The following MROH9 variants were observed in gnomAD, a reference collection of about 807,000 sequenced individuals.
MROH9 encodes the protein maestro heat like repeat family member 9, also known as maestro heat-like repeat-containing protein family member 9.
Under a neutral mutation model 98.2 loss-of-function variants are expected in MROH9, and 92 were observed. The observed-to-expected ratio is 0.94, with a 90% confidence interval of 0.79 to 1.11. MROH9 has a LOEUF of 1.11. Among genes scored for constraint, MROH9 ranks in the 50% most tolerant of loss-of-function variants. The probability of loss-of-function intolerance (pLI) is 0.00; values close to 1 mark genes in which losing one functional copy is unlikely to be tolerated. For synonymous variants in MROH9, 397 were observed against 368.9 expected, an observed-to-expected ratio of 1.08 and a Z score of -0.87; for missense variants, 1,057 against 1,014.8, an observed-to-expected ratio of 1.04 and a Z score of -0.57.
intron 8 of MROH9, among the ~76,000 whole-genome samples, chr1:170,977,413 C>A (rs749243946): frequency 7.9e-5 from 12 of 152,114 alleles, no homozygotes; most frequent in Non-Finnish European, 1.6e-4. Context: ...TTCTGGATGT[C>A]TTCACAGGAC....
intron 8 of MROH9, among the ~76,000 whole-genome samples, chr1:170,981,062 A>G (rs966196461): frequency 6.6e-6 from 1 of 152,228 alleles, no homozygotes; most frequent in African/African-American, 2.4e-5. Flanking sequence ...TAAAACCACA[A>G]TGAGATAACA....
At chr1:170,973,579 T>A (rs552301515) in intron 8 of MROH9, among the ~76,000 whole-genome samples, 4 of 152,040 alleles carry the variant, frequency 2.6e-5, no homozygotes, top group South Asian at 4.1e-4. Context: ...AAATCCAATT[T>A]AAAAAAAATT....
At chr1:171,052,344 G>T (rs1653695680) in intron 20 of MROH9, among the ~76,000 whole-genome samples, 1 of 152,194 alleles carries the variant, frequency 6.6e-6, no homozygotes, top group Non-Finnish European at 1.5e-5. Context: ...TGGCCCCCCA[G>T]TGGTAGTCAT....
chr1:170,962,466 AT>A (rs1285714729), intron 6 of MROH9, among the ~76,000 whole-genome samples: 1 of 152,088 alleles, frequency 6.6e-6, no homozygotes, highest in Admixed American at 6.6e-5. Flanking sequence ...ACCTCACTTC[AT>A]TTTTTAATGT....
intron 10 of MROH9, among the ~76,000 whole-genome samples, chr1:170,989,421 A>G (rs968793961): frequency 6.6e-6 from 1 of 152,216 alleles, no homozygotes; most frequent in Non-Finnish European, 1.5e-5. Context: ...CCTCCAATAC[A>G]TGGTTCATCC....
At chr1:171,013,906 CACACACACAG>C (rs1226559038) in intron 15 of MROH9, among the ~76,000 whole-genome samples, 12 of 145,510 alleles carry the variant, frequency 8.2e-5, no homozygotes, top group African/African-American at 2.7e-4. Flanking sequence ...CACACACACA[CACACACACAG>C]ACAGACAAAA....
At chr1:171,026,800 A>T (rs1024361768) in intron 20 of MROH9, among the ~76,000 whole-genome samples, 3 of 152,234 alleles carry the variant, frequency 2.0e-5, no homozygotes, top group African/African-American at 7.2e-5. Flanking sequence ...GATGAAAGTT[A>T]TGATAAATAT....
At chr1:170,969,061 C>T (rs1323161090) in intron 7 of MROH9, among the ~76,000 whole-genome samples, 1 of 152,118 alleles carries the variant, frequency 6.6e-6, no homozygotes, top group East Asian at 1.9e-4. Flanking sequence ...CATAGAATTG[C>T]TATTTGACAC....
chr1:170,982,630 C>T (rs1173165895), intron 8 of MROH9, among the ~76,000 whole-genome samples: 2 of 152,194 alleles, frequency 1.3e-5, no homozygotes, highest in African/African-American at 2.4e-5. Flanking sequence ...TGGCTCACAC[C>T]TGTAACCCCA....
intron 10 of MROH9, among the ~76,000 whole-genome samples, chr1:170,988,718 A>G (rs1651241715): frequency 6.6e-6 from 1 of 152,190 alleles, no homozygotes; most frequent in Non-Finnish European, 1.5e-5. Context: ...AAAATCCCCC[A>G]AATTGCATAT....
At chr1:171,014,284 A>G in intron 16 of MROH9, 30 bp downstream of exon 16, 1 of 1,527,278 alleles carries the variant, frequency 6.5e-7, no homozygotes, top group Non-Finnish European at 8.8e-7. Flanking sequence ...GTCTGCAAGC[A>G]TCATCTAAAT....
chr1:170,948,326 A>G (rs1035473764), intron 3 of MROH9, among the ~76,000 whole-genome samples: 1 of 152,056 alleles, frequency 6.6e-6, no homozygotes, highest in Non-Finnish European at 1.5e-5. Flanking sequence ...GATTTTGTTC[A>G]TAATCCATAG....
At chr1:171,054,156 A>G (rs1353611173) in intron 20 of MROH9, among the ~76,000 whole-genome samples, 1 of 152,240 alleles carries the variant, frequency 6.6e-6, no homozygotes, top group Non-Finnish European at 1.5e-5. Context: ...GGATTTCTAT[A>G]CATAAACAAT....
At chr1:170,990,916 G>A (rs925333413) in intron 11 of MROH9, among the ~76,000 whole-genome samples, 4 of 152,082 alleles carry the variant, frequency 2.6e-5, no homozygotes, top group African/African-American at 9.7e-5. Flanking sequence ...TTATTTTTCA[G>A]ACTGAAAGAT....
At chr1:170,959,629 A>C (rs571422064) in intron 5 of MROH9, 32 bp downstream of exon 5, 4 of 1,599,164 alleles carry the variant, frequency 2.5e-6, no homozygotes, top group Non-Finnish European at 3.4e-6. Flanking sequence ...TCATTATAGG[A>C]TGTTATTACA....
chr1:170,940,219 C>G (rs1041170223), intron 1 of MROH9, among the ~76,000 whole-genome samples: 1 of 152,192 alleles, frequency 6.6e-6, no homozygotes, highest in Non-Finnish European at 1.5e-5. Flanking sequence ...TCTCAACATG[C>G]TCCACACTAC....
chr1:170,983,170 A>G (rs1394952348), intron 8 of MROH9, among the ~76,000 whole-genome samples: 3 of 152,036 alleles, frequency 2.0e-5, no homozygotes, highest in Non-Finnish European at 4.4e-5. Context: ...GTCTATATAT[A>G]TTTGTTATCT....
intron 3 of MROH9, among the ~76,000 whole-genome samples, chr1:170,949,126 C>T (rs979298946): frequency 6.6e-6 from 1 of 152,006 alleles, no homozygotes; most frequent in Admixed American, 6.6e-5. Flanking sequence ...GGAGGTTTGG[C>T]CTTTATTTCC....
At chr1:171,061,786 C>T (rs1571178272) in intron 20 of MROH9, among the ~76,000 whole-genome samples, 1 of 152,104 alleles carries the variant, frequency 6.6e-6, no homozygotes, top group South Asian at 2.1e-4. Context: ...GGAAAGCAGA[C>T]ACAAAAGAAT....
Sources: gnomAD v4.1 joint callset for allele counts (sites outside exome capture counted in the v4.1 genomes callset) on GRCh38, gnomAD v4.1.1 for gene constraint, MANE v1.5 for transcripts, NCBI Gene and HGNC (gene_info 2026-07-23, HGNC 2026-07-21) for gene names.